AZIN2: variants seen among roughly 807,000 people sequenced by gnomAD.
The protein encoded by AZIN2 is ODC antizyme inhibitor-2.
AZIN2 carries 28 observed loss-of-function variants against 47.8 expected under a neutral mutation model. The ratio of observed to expected loss-of-function variants is 0.59; its 90% CI spans 0.43 to 0.80. AZIN2 has a LOEUF of 0.80. AZIN2 is among the 30% of genes least tolerant of loss of function. The pLI, the probability that AZIN2 is intolerant of heterozygous loss-of-function variation, is 0.00. For missense variants in AZIN2, 535 were observed against 582.5 expected (o/e 0.92, Z 0.84); for synonymous variants, 221 against 239.4 (o/e 0.92, Z 0.71).
At chr1:33,086,453 T>C (rs931603938) in intron 5 of AZIN2, among the ~76,000 whole-genome samples, 1 of 152,186 alleles carries the variant, frequency 6.6e-6, no homozygotes, top group African/African-American at 2.4e-5. Flanking sequence ...CCCCTCCCTG[T>C]GATGGGATCA....
the AZIN2 span, among the ~76,000 whole-genome samples, chr1:33,154,755 G>T: frequency 6.8e-6 from 1 of 147,240 alleles, no homozygotes; most frequent in Non-Finnish European, 1.5e-5. Context: ...CCGAGATCAC[G>T]CCACTGCACT....
downstream of AZIN2, among the ~76,000 whole-genome samples, chr1:33,124,108 T>C (rs374212055): frequency 5.7e-4 from 86 of 152,052 alleles, no homozygotes; most frequent in East Asian, 2.5e-3. The surrounding 1 kb of genome is among the most constrained non-coding windows in gnomAD (Gnocchi z 4.6). Flanking sequence ...GGAGGTTGCA[T>C]TGAGCCGAGA....
chr1:33,098,118 T>G lies in AZIN2; in HGVS notation c.968T>G (p.Val323Gly). ...ATCGTGTACCACCTTGATGAGGGCGTGTATGGGATCTTCAACTCAGTCCTG... is the reference window on the plus strand; with the variant it reads ...ATCGTGTACCACCTTGATGAGGGCGGGTATGGGATCTTCAACTCAGTCCTG... ...KTIVYHLDEG[V>G]YGIFNSVLFD... The change falls in exon 10 of 12, where the codon GTG (valine) becomes GGG (glycine). Residue 323 changes from valine to glycine, a missense_variant. By Grantham distance (109) the Val-to-Gly change is moderately radical. This residue lies in a region of AZIN2 where 409 missense variants were observed against 429.0 expected (regional missense o/e 0.95). Transcript: ENST00000294517. The G allele has an allele frequency of 6.2e-7, 1 of 1,614,110 alleles. No homozygotes were observed. The highest frequency in any genetic ancestry group is 1.1e-5 in the South Asian group (1 of 91,078).
At chr1:33,112,964 A>G (rs71647909) in intron 10 of AZIN2, among the ~76,000 whole-genome samples, 74 of 152,138 alleles carry the variant, frequency 4.9e-4, no homozygotes, top group Non-Finnish European at 9.3e-4. Context: ...TATTTCTTCC[A>G]TGAAGGTTTT....
chr1:33,149,610 A>G, the AZIN2 span, among the ~76,000 whole-genome samples: 1 of 151,002 alleles, frequency 6.6e-6, no homozygotes, highest in Non-Finnish European at 1.5e-5. Flanking sequence ...ATGCATCACT[A>G]TGCGCAGCTA....
chr1:33,165,886 A>T, the AZIN2 span: 16 of 209,170 alleles, frequency 7.6e-5, no homozygotes, highest in Admixed American at 1.2e-4. This position sits in a 1 kb window ranked among gnomAD's most constrained non-coding sequence, Gnocchi z 4.0. Context: ...CTTAGAATTA[A>T]GGCAGGGGTC....
At chr1:33,101,982 T>G (rs1243695460) in intron 10 of AZIN2, 3 of 710,464 alleles carry the variant, frequency 4.2e-6, no homozygotes, top group Non-Finnish European at 7.9e-6. Context: ...CTGTGAATAC[T>G]GCTGCTGTGA....
chr1:33,114,447 G>C (rs1393355137), intron 10 of AZIN2, among the ~76,000 whole-genome samples: 1 of 147,242 alleles, frequency 6.8e-6, no homozygotes, highest in Non-Finnish European at 1.5e-5. Flanking sequence ...TCCACCTTCC[G>C]GGTTCACGCC....
rs1641214032 is a variant in AZIN2 at position 33,081,237 on chromosome 1, G to A, written c.-463G>A. Reference sequence around the variant, plus strand: ...GAAGCGAGAGAGCGGAGGCGCCGAGGATCCGATTCACTCCCTGGGGAGACC... The same window carrying A: ...GAAGCGAGAGAGCGGAGGCGCCGAGAATCCGATTCACTCCCTGGGGAGACC... On this transcript the variant is annotated 5_prime_UTR_variant, in exon 1 of 12. Transcript: ENST00000294517. This position sits in a 1 kb window ranked among gnomAD's most constrained non-coding sequence, Gnocchi z 4.2. 1 of 153,348 alleles carries A rather than the reference G, an allele frequency of 6.5e-6. No individual in the cohort carries two copies. Among genetic ancestry groups the A allele is most frequent in the African/African-American group, 2.4e-5 (1 of 41,468 alleles). 9.5% of individuals were successfully genotyped at this position (153,348 alleles called of 1,614,324 possible).
At chr1:33,092,318 G>C in intron 6 of AZIN2, 96 bp downstream of exon 6, 2 of 1,186,974 alleles carry the variant, frequency 1.7e-6, no homozygotes, top group Non-Finnish European at 2.3e-6. Context: ...GGGAGGCTGG[G>C]CTGAGGGAAG....
At chr1:33,094,808 T>C in intron 8 of AZIN2, 95 bp downstream of exon 8, 1 of 1,350,728 alleles carries the variant, frequency 7.4e-7, no homozygotes, top group Non-Finnish European at 1.0e-6. Context: ...GCGTGGGTCC[T>C]ATGCACTGCA....
chr1:33,159,829 G>T, the AZIN2 span: 1 of 1,613,706 alleles, frequency 6.2e-7, no homozygotes, highest in Non-Finnish European at 8.5e-7. The surrounding 1 kb of genome is among the most constrained non-coding windows in gnomAD (Gnocchi z 4.2). Flanking sequence ...GTCGGTCAGC[G>T]TGCGGGCCGT....
chr1:33,153,136 G>A, the AZIN2 span, among the ~76,000 whole-genome samples: 2 of 152,214 alleles, frequency 1.3e-5, no homozygotes, highest in Admixed American at 1.3e-4. Flanking sequence ...CTGAGCTGGA[G>A]GGGAGGGGCA....
At chr1:33,088,576 A>G (rs1642196132) in intron 5 of AZIN2, among the ~76,000 whole-genome samples, 1 of 152,104 alleles carries the variant, frequency 6.6e-6, no homozygotes, top group Non-Finnish European at 1.5e-5. Flanking sequence ...AGGGTAAAAC[A>G]TGTTTCCTTG....
At chr1:33,083,843 A>C in intron 4 of AZIN2, 111 bp from the exon 5 acceptor site, 2 of 1,298,386 alleles carry the variant, frequency 1.5e-6, no homozygotes, top group Middle Eastern at 2.1e-4. Context: ...GCAGCAGGGT[A>C]GCTCTGTGGC....
intron 6 of AZIN2, 88 bp from the exon 7 acceptor site, chr1:33,093,194 C>T: frequency 6.4e-7 from 1 of 1,558,170 alleles, no homozygotes; most frequent in Non-Finnish European, 8.7e-7. Context: ...GGCTCTGAGC[C>T]ATGTAGCTCA....
At chr1:33,127,915 A>G (rs1644868397), downstream of AZIN2, among the ~76,000 whole-genome samples, 1 of 152,084 alleles carries the variant, frequency 6.6e-6, no homozygotes, top group South Asian at 2.1e-4. Context: ...TCTTAATGAC[A>G]AGGACTCCTA....
At chr1:33,101,883 T>C in intron 10 of AZIN2, 2 of 779,500 alleles carry the variant, frequency 2.6e-6, no homozygotes, top group Non-Finnish European at 4.8e-6. Flanking sequence ...TTCATTTCAT[T>C]GCCGTGTAGC....
At chr1:33,161,560 G>A in the AZIN2 span, among the ~76,000 whole-genome samples, 1 of 152,116 alleles carries the variant, frequency 6.6e-6, no homozygotes, top group Non-Finnish European at 1.5e-5. This position sits in a 1 kb window ranked among gnomAD's most constrained non-coding sequence, Gnocchi z 4.3. Flanking sequence ...GCCTCGCTGC[G>A]CATGCCCACC....
Sources: gnomAD v4.1 joint callset for allele counts (sites outside exome capture counted in the v4.1 genomes callset) on GRCh38, gnomAD v4.1.1 for gene constraint, gnomAD v4.1.1 regional missense constraint, Gnocchi (gnomAD v3.1) non-coding constraint, MANE v1.5 for transcripts, NCBI Gene and HGNC (gene_info 2026-07-23, HGNC 2026-07-21) for gene names.